The following CSMD1 variants were observed in gnomAD, a reference collection of about 807,000 sequenced individuals.
CSMD1 encodes CUB and Sushi multiple domains 1, also known as CUB and sushi domain-containing protein 1.
Under a neutral mutation model 417.5 loss-of-function variants are expected in CSMD1, and 213 were observed. The ratio of observed to expected loss-of-function variants is 0.51; its 90% CI spans 0.46 to 0.57. The LOEUF (loss-of-function observed/expected upper bound fraction) is 0.57, where lower values mean the gene tolerates loss of function less well. Among genes scored for constraint, CSMD1 ranks in the 20% least tolerant of loss-of-function variants. CSMD1 has a pLI of 0.00. For synonymous variants in CSMD1, 2,862 were observed against 1,736.8 expected (o/e 1.65, Z -16.11); for missense variants, 6,923 against 4,529.7 (o/e 1.53, Z -15.17).
At chr8:4,378,538 G>T (rs965870989) in intron 3 of CSMD1, among the ~76,000 whole-genome samples, 14 of 152,180 alleles carry the variant, frequency 9.2e-5, no homozygotes, top group African/African-American at 3.4e-4. Flanking sequence ...AAGTCACCGT[G>T]TGACCATTCT....
At chr8:4,088,539 A>C (rs1372983032) in intron 3 of CSMD1, among the ~76,000 whole-genome samples, 1 of 152,316 alleles carries the variant, frequency 6.6e-6, no homozygotes, top group Admixed American at 6.5e-5. Flanking sequence ...ATGCAAAACT[A>C]AATCTCTCAA....
At chr8:3,801,480 G>A (rs1053825140) in intron 5 of CSMD1, among the ~76,000 whole-genome samples, 1 of 152,120 alleles carries the variant, frequency 6.6e-6, no homozygotes, top group Non-Finnish European at 1.5e-5. Flanking sequence ...AATAGGCACT[G>A]GCAAGGATGT....
chr8:3,396,384 G>C lies in CSMD1; in HGVS notation c.2406-3C>G. On this transcript the variant is annotated splice_region_variant and splice_polypyrimidine_tract_variant and intron_variant, in intron 16 of 69. Transcript: ENST00000635120. Reference sequence around the variant, plus strand: ...CATAATTGACCTCTGTCTGAAATCTGCAAATATATACATCCCATCAGAAAA... The same window carrying C: ...CATAATTGACCTCTGTCTGAAATCTCCAAATATATACATCCCATCAGAAAA... 1 of 1,565,020 alleles carries C rather than the reference G, an allele frequency of 6.4e-7. No homozygotes were observed. The highest frequency in any genetic ancestry group is 8.7e-7 in the Non-Finnish European group (1 of 1,155,202).
chr8:3,468,747 C>T lies in CSMD1; in HGVS notation c.1526G>A (p.Ser509Asn), dbSNP rs778181583. The T allele has an allele frequency of 1.9e-6, 3 of 1,606,840 alleles. No homozygotes were observed. The highest frequency in any genetic ancestry group is 4.5e-5 in the East Asian group (2 of 44,744). Reference protein sequence around the residue: ...QMWLHLQSDDSIGSPGFKAVY... With the variant: ...QMWLHLQSDDNIGSPGFKAVY... Reference sequence around the variant, plus strand: ...AGCTTTAAACCCAGGTGAGCCAATGCTATCATCCGACTGCAGATGTAGCCA... The same window carrying T: ...AGCTTTAAACCCAGGTGAGCCAATGTTATCATCCGACTGCAGATGTAGCCA... Residue 509 changes from serine (S) to asparagine (N), a missense_variant, in exon 12 of 70, where the codon AGC becomes AAC. By Grantham distance (46) the Ser-to-Asn change is conservative. Coordinates refer to ENST00000635120, the MANE Select transcript of CSMD1 (RefSeq NM_033225.6).
At chr8:3,524,947 TA>T (rs1315305863) in intron 10 of CSMD1, among the ~76,000 whole-genome samples, 1 of 152,120 alleles carries the variant, frequency 6.6e-6, no homozygotes, top group Admixed American at 6.6e-5. Flanking sequence ...AAAATGTTTC[TA>T]AAAAGCACAC....
intron 46 of CSMD1, among the ~76,000 whole-genome samples, chr8:3,097,585 T>A (rs186923273): frequency 2.0e-5 from 3 of 152,300 alleles, no homozygotes; most frequent in African/African-American, 7.2e-5. Flanking sequence ...TGGACAAAGC[T>A]GGGATTCATG....
At chr8:3,391,328 C>G (rs573937453) in intron 17 of CSMD1, among the ~76,000 whole-genome samples, 120 of 152,272 alleles carry the variant, frequency 7.9e-4, no homozygotes, top group Non-Finnish European at 1.4e-3. Flanking sequence ...AGATGATTAA[C>G]AAGATACTTT....
intron 3 of CSMD1, among the ~76,000 whole-genome samples, chr8:4,175,258 T>C (rs1377095294): frequency 6.6e-6 from 1 of 152,156 alleles, no homozygotes; most frequent in African/African-American, 2.4e-5. Flanking sequence ...TGAAACCATT[T>C]ATATTTAATT....
intron 26 of CSMD1, among the ~76,000 whole-genome samples, chr8:3,240,663 T>A (rs1032232314): frequency 6.6e-6 from 1 of 151,984 alleles, no homozygotes; most frequent in Non-Finnish European, 1.5e-5. Flanking sequence ...GAGGCTGGAA[T>A]GAAAGGCGCA....
At chr8:3,489,468 C>G (rs1488760940) in intron 11 of CSMD1, among the ~76,000 whole-genome samples, 1 of 152,164 alleles carries the variant, frequency 6.6e-6, no homozygotes, top group African/African-American at 2.4e-5. Context: ...CAGAGGGAAT[C>G]CAGGGAAGGC....
At chr8:4,652,620 AC>A (rs1563072023) in intron 1 of CSMD1, among the ~76,000 whole-genome samples, 1 of 151,958 alleles carries the variant, frequency 6.6e-6, no homozygotes, top group African/African-American at 2.4e-5. Context: ...CCATTGCACC[AC>A]AGCCTGGAGA....
intron 3 of CSMD1, among the ~76,000 whole-genome samples, chr8:4,333,525 C>A (rs1284717982): frequency 6.6e-6 from 1 of 152,136 alleles, no homozygotes; most frequent in African/African-American, 2.4e-5. Context: ...TCATAAAGTG[C>A]TTAAACAGTG....
chr8:4,562,700 C>G (rs1237264312), intron 2 of CSMD1, among the ~76,000 whole-genome samples: 1 of 152,140 alleles, frequency 6.6e-6, no homozygotes, highest in Non-Finnish European at 1.5e-5. Flanking sequence ...AGGCCCAGAA[C>G]ACCATCAGCC....
At chr8:4,145,728 G>C (rs867601229) in intron 3 of CSMD1, among the ~76,000 whole-genome samples, 2 of 150,890 alleles carry the variant, frequency 1.3e-5, no homozygotes, top group South Asian at 2.1e-4. Flanking sequence ...TATTTGACTT[G>C]TCCCAAGGAA....
intron 1 of CSMD1, among the ~76,000 whole-genome samples, chr8:4,669,167 G>C (rs1425882783): frequency 6.6e-6 from 1 of 152,120 alleles, no homozygotes; most frequent in Non-Finnish European, 1.5e-5. Context: ...CTTTAGGGCT[G>C]GGATGTGAAT....
intron 5 of CSMD1, among the ~76,000 whole-genome samples, chr8:3,812,536 C>G (rs991563127): frequency 6.6e-6 from 1 of 152,178 alleles, no homozygotes; most frequent in Admixed American, 6.5e-5. Context: ...AGTTCAAAAG[C>G]TAAGCTGAAA....
intron 12 of CSMD1, among the ~76,000 whole-genome samples, chr8:3,416,049 C>T (rs1441387778): frequency 6.6e-6 from 1 of 152,068 alleles, no homozygotes; most frequent in Non-Finnish European, 1.5e-5. Context: ...CACCTGTAAT[C>T]CTAGCACTTT....
At chr8:4,913,428 G>C (rs1390178755) in intron 1 of CSMD1, among the ~76,000 whole-genome samples, 3 of 152,096 alleles carry the variant, frequency 2.0e-5, no homozygotes, top group Non-Finnish European at 2.9e-5. Flanking sequence ...TGGACACTCA[G>C]TGAATATTTC....
At chr8:3,708,527 A>G in intron 6 of CSMD1, 36 bp from the exon 7 acceptor site, 1 of 1,572,548 alleles carries the variant, frequency 6.4e-7, no homozygotes, top group Admixed American at 1.7e-5. Context: ...AGCAGGTAAG[A>G]CTTGGAGATC....
Sources: gnomAD v4.1 joint callset for allele counts (sites outside exome capture counted in the v4.1 genomes callset) on GRCh38, gnomAD v4.1.1 for gene constraint, MANE v1.5 for transcripts, NCBI Gene and HGNC (gene_info 2026-07-23, HGNC 2026-07-21) for gene names.